The following PDE10A variants were observed in gnomAD, a reference collection of about 807,000 sequenced individuals.
PDE10A encodes the protein phosphodiesterase 10A.
Under a neutral mutation model 97.7 loss-of-function variants are expected in PDE10A, and 39 were observed. That is an observed-to-expected ratio of 0.40 (90% CI 0.31 to 0.52). The LOEUF is 0.52. Among genes scored for constraint, PDE10A ranks in the 20% least tolerant of loss-of-function variants. The probability of loss-of-function intolerance (pLI) is 0.56; values close to 1 mark genes in which losing one functional copy is unlikely to be tolerated. For synonymous variants in PDE10A, 371 were observed against 376.8 expected (o/e 0.98, Z 0.18); for missense variants, 731 against 1,047.8 (o/e 0.70, Z 4.17).
At chr6:165,783,485 C>T (rs1778400085) in intron 1 of PDE10A, among the ~76,000 whole-genome samples, 1 of 152,172 alleles carries the variant, frequency 6.6e-6, no homozygotes, top group Admixed American at 6.5e-5. Flanking sequence ...AAAGAGGCCA[C>T]TTCGTGAGAT....
chr6:165,642,764 A>T (rs1163101043), intron 1 of PDE10A, among the ~76,000 whole-genome samples: 1 of 152,222 alleles, frequency 6.6e-6, no homozygotes, highest in Admixed American at 6.5e-5. Context: ...CAGCCTGTTA[A>T]TTCAGCTCTA....
intron 1 of PDE10A, among the ~76,000 whole-genome samples, chr6:165,611,618 A>C (rs911290776): frequency 8.5e-5 from 13 of 152,256 alleles, no homozygotes; most frequent in African/African-American, 3.1e-4. Context: ...ACCTCTGAGC[A>C]ATCAATTGCC....
At chr6:165,757,440 C>T (rs931790197) in intron 1 of PDE10A, among the ~76,000 whole-genome samples, 1 of 152,004 alleles carries the variant, frequency 6.6e-6, no homozygotes, top group Non-Finnish European at 1.5e-5. Flanking sequence ...TTGAAATATA[C>T]TTAGAAAGAC....
chr6:165,486,724 A>C (rs1413202899), intron 2 of PDE10A, among the ~76,000 whole-genome samples: 1 of 152,218 alleles, frequency 6.6e-6, no homozygotes, highest in African/African-American at 2.4e-5. Flanking sequence ...TTAGAAAAAA[A>C]GTCACCATTG....
intron 3 of PDE10A, among the ~76,000 whole-genome samples, chr6:165,473,230 C>G (rs1454536940): frequency 5.3e-5 from 8 of 152,154 alleles, no homozygotes; most frequent in Non-Finnish European, 7.4e-5. Context: ...TAATTATTAC[C>G]AAGTAAATAT....
rs191368113 is a variant in PDE10A, at chr6:165,622,472, G to A, written c.865+39475C>T. ...TCCAGGCCACAGACTGTACAGCATGGTACTGTACGGAATACTGTAGACAAC... is the reference window on the plus strand; with the variant it reads ...TCCAGGCCACAGACTGTACAGCATGATACTGTACGGAATACTGTAGACAAC... On this transcript the variant is annotated intron_variant, in intron 1 of 21. Transcript: ENST00000539869. Among the ~76,000 whole-genome samples, 36 of 152,326 alleles carry A rather than the reference G, an allele frequency of 2.4e-4. No homozygotes were observed. The East Asian group carries it at 4.6e-3, about 20-fold the overall frequency.
At chr6:165,354,713 C>T (rs1782913553) in intron 18 of PDE10A, among the ~76,000 whole-genome samples, 1 of 152,134 alleles carries the variant, frequency 6.6e-6, no homozygotes. Context: ...GAGGAGTCCA[C>T]ATCCTTGTTA....
At chr6:165,892,335 T>C (rs1781827276) in intron 1 of PDE10A, among the ~76,000 whole-genome samples, 1 of 152,168 alleles carries the variant, frequency 6.6e-6, no homozygotes, top group South Asian at 2.1e-4. Flanking sequence ...CCCCTCTTCA[T>C]TCCCCAGCAC....
At chr6:165,798,032 A>G (rs1251590923) in intron 1 of PDE10A, among the ~76,000 whole-genome samples, 2 of 152,218 alleles carry the variant, frequency 1.3e-5, no homozygotes, top group Admixed American at 1.3e-4. Flanking sequence ...CTTTGTTTTC[A>G]TTCAATTGAA....
intron 1 of PDE10A, among the ~76,000 whole-genome samples, chr6:165,905,448 G>T (rs1782234045): frequency 6.6e-6 from 1 of 152,000 alleles, no homozygotes; most frequent in Non-Finnish European, 1.5e-5. Context: ...TAATCATTAA[G>T]AATCTTGTCC....
chr6:165,437,312 A>G (rs1411994107), intron 5 of PDE10A, among the ~76,000 whole-genome samples: 1 of 152,176 alleles, frequency 6.6e-6, no homozygotes, highest in Non-Finnish European at 1.5e-5. Context: ...TAGCTTCATA[A>G]TCCAATAATA....
At chr6:165,668,355 C>T (rs1790548231) in intron 1 of PDE10A, among the ~76,000 whole-genome samples, 1 of 152,190 alleles carries the variant, frequency 6.6e-6, no homozygotes, top group Non-Finnish European at 1.5e-5. Context: ...AAAATTGCCA[C>T]TGAGTTTATC....
chr6:165,839,896 T>TCCTCATCCCCATCCTTTCTCCAATTCA (rs1562762551), intron 1 of PDE10A, among the ~76,000 whole-genome samples: 1 of 151,390 alleles, frequency 6.6e-6, no homozygotes, highest in African/African-American at 2.4e-5. Flanking sequence ...TCCATCCCCA[T>TCCTCATCCCCATCCTTTCTCCAATTCA]TCCCATCTCC....
At chr6:165,749,826 T>G (rs944342263) in intron 1 of PDE10A, among the ~76,000 whole-genome samples, 7 of 152,248 alleles carry the variant, frequency 4.6e-5, no homozygotes, top group Admixed American at 4.6e-4. Flanking sequence ...GCCTCAAGTT[T>G]CCACATCAAA....
At chr6:165,630,131 C>G (rs1788564884) in intron 1 of PDE10A, among the ~76,000 whole-genome samples, 1 of 152,064 alleles carries the variant, frequency 6.6e-6, no homozygotes, top group Non-Finnish European at 1.5e-5. Flanking sequence ...GTGAACTGCA[C>G]TGAGCTCAGG....
chr6:165,526,255 T>C (rs1459930193), intron 2 of PDE10A, among the ~76,000 whole-genome samples: 1 of 152,146 alleles, frequency 6.6e-6, no homozygotes, highest in Non-Finnish European at 1.5e-5. Context: ...CCAGTTAAAG[T>C]AGGGGCTTAT....
intron 18 of PDE10A, among the ~76,000 whole-genome samples, chr6:165,360,414 A>G (rs1474525729): frequency 2.0e-5 from 3 of 152,212 alleles, no homozygotes; most frequent in Non-Finnish European, 4.4e-5. Flanking sequence ...TCCCAGAGTC[A>G]GGAAATTATC....
In PDE10A at chr6:165,334,308, G is replaced by A. The variant is rs557227945; in HGVS notation, c.3066-1181C>T. Among the ~76,000 whole-genome samples the A allele has an allele frequency of 1.6e-4, 23 of 147,210 alleles. No individual in the cohort carries two copies. In the East Asian group the frequency reaches 2.0e-3, roughly 13 times the overall value. On this transcript the variant is annotated intron_variant, in intron 21 of 21. Transcript: ENST00000539869. The stretch of plus-strand genomic sequence containing the variant: ...AGCGCCGGGCACGCGCCTCCATAGC[G>A]CCTTACAGCGCCGGGCACGCGCCTC...
At chr6:165,369,327 T>G (rs1420962140) in intron 18 of PDE10A, among the ~76,000 whole-genome samples, 1 of 151,444 alleles carries the variant, frequency 6.6e-6, no homozygotes, top group Non-Finnish European at 1.5e-5. Flanking sequence ...GCTGAAAACT[T>G]TGAAAAAAAT....
Sources: allele counts gnomAD v4.1 joint callset (sites outside exome capture counted in the v4.1 genomes callset), GRCh38; gene constraint gnomAD v4.1.1; transcripts MANE v1.5; gene names NCBI Gene and HGNC (gene_info 2026-07-23, HGNC 2026-07-21).